SLC45A4: variants seen among roughly 807,000 people sequenced by gnomAD.
SLC45A4 encodes solute carrier family 45 member 4.
In SLC45A4, 32 loss-of-function variants were observed where a neutral mutation model predicts 63.7. The ratio of observed to expected loss-of-function variants is 0.50; its 90% CI spans 0.38 to 0.67. The LOEUF (loss-of-function observed/expected upper bound fraction) is 0.67. Ranked by LOEUF, SLC45A4 falls within the 30% of genes least tolerant of loss-of-function variation. The pLI is 0.00. For synonymous variants in SLC45A4, 535 were observed against 510.0 expected (o/e 1.05, Z -0.66); for missense variants, 1,027 against 1,157.7 (o/e 0.89, Z 1.64).
Position 141,277,884 on chromosome 8 carries a change from C to T in SLC45A4, c.-400-23255G>A, listed in dbSNP as rs141835389. On this transcript the variant is annotated intron_variant, in intron 1 of 8. Transcript: ENST00000517878. ...CTCTCGATCTCCTGACCTCGTGATC[C>T]GCCTGCTTCAGCCTCACAAAGTGAA... Among the ~76,000 whole-genome samples the T allele has an allele frequency of 1.3e-4, 20 of 152,158 alleles. No homozygotes were observed. In the East Asian group the frequency reaches 2.3e-3, roughly 18 times the overall value.
chr8:141,266,865 T>A (rs116483616), intron 1 of SLC45A4, among the ~76,000 whole-genome samples: 1 of 152,222 alleles, frequency 6.6e-6, no homozygotes, highest in African/African-American at 2.4e-5. Context: ...TTGAAGTGCC[T>A]TATTCCCACA....
intron 1 of SLC45A4, among the ~76,000 whole-genome samples, chr8:141,282,923 C>T (rs539592543): frequency 4.6e-5 from 7 of 152,334 alleles, no homozygotes; most frequent in South Asian, 2.1e-4. Flanking sequence ...ACGATGTCAG[C>T]GCGGCCTCGT....
rs1302157499 is a variant in SLC45A4 at position 141,218,000 on chromosome 8, C to T, written c.1629+11G>A. The T allele has an allele frequency of 2.5e-6, 4 of 1,579,590 alleles. No homozygotes were observed. The highest frequency in any genetic ancestry group is 1.4e-5 in the African/African-American group (1 of 73,824). ...GAGAGAGCGGCCCCGCTCCGGTGGC[C>T]GAGCACTCACCTTGGGGTCGCCTTC... On this transcript the variant is annotated intron_variant, in intron 5 of 8. Transcript: ENST00000517878.
At chr8:141,219,580 C>T (rs1826451281) in intron 4 of SLC45A4, 70 bp downstream of exon 4, 3 of 1,516,420 alleles carry the variant, frequency 2.0e-6, no homozygotes, top group Non-Finnish European at 1.8e-6. Flanking sequence ...ACACAGGCTC[C>T]TGTCCCCTCC....
intron 1 of SLC45A4, 103 bp downstream of exon 1, chr8:141,307,993 G>A (rs1589874373): frequency 2.0e-5 from 3 of 151,494 alleles, no homozygotes; most frequent in Admixed American, 2.0e-4. Flanking sequence ...TGGAGGCCGA[G>A]GCTGTGCGGG....
chr8:141,277,910 A>T (rs1438395517), intron 1 of SLC45A4, among the ~76,000 whole-genome samples: 1 of 152,076 alleles, frequency 6.6e-6, no homozygotes, highest in Non-Finnish European at 1.5e-5. Flanking sequence ...ACAAAGTGAA[A>T]AAAACAATTT....
intron 2 of SLC45A4, chr8:141,228,644 T>A: frequency 1.9e-6 from 2 of 1,053,276 alleles, no homozygotes; most frequent in Non-Finnish European, 2.3e-6. Context: ...GATGACACAG[T>A]GATGTTATCG....
At position 141,218,978 on chromosome 8, in the gene SLC45A4, G is replaced by T. The variant is rs1826401358; in HGVS notation, c.662C>A (p.Thr221Asn). The T allele has an allele frequency of 1.2e-6, 2 of 1,613,422 alleles. No homozygotes were observed. Among genetic ancestry groups the T allele is most frequent in the Non-Finnish European group, 1.7e-6 (2 of 1,179,908 alleles). Reference protein sequence around the residue: ...YVLGGLDWTQTFLGSWFRTQN... With the variant: ...YVLGGLDWTQNFLGSWFRTQN... Reference sequence around the variant, plus strand: ...GGTCCGGAACCAGCTGCCCAGGAAGGTCTGGGTCCAGTCCAGCCCACCCAG... The same window carrying T: ...GGTCCGGAACCAGCTGCCCAGGAAGTTCTGGGTCCAGTCCAGCCCACCCAG... Residue 221 changes from threonine (T) to asparagine (N), a missense_variant, in exon 5 of 9, where the codon ACC becomes AAC. Coordinates refer to ENST00000517878, the MANE Select transcript of SLC45A4 (RefSeq NM_001286646.2).
chr8:141,221,526 C>A lies in SLC45A4; in HGVS notation c.430+51G>T, dbSNP rs1485873405. On this transcript the variant is annotated intron_variant, in intron 3 of 8. Transcript: ENST00000517878. ...TTTTAATGAGAGGAGCTACCCAGGG[C>A]CAGGACCCCGTCTGTGTTGTGAGGA... 1.1e-5 allele frequency: 17 copies of A among 1,569,312 alleles called. 1 individual carries two copies. Among genetic ancestry groups the A allele is most frequent in the Middle Eastern group, 2.3e-4 (1 of 4,296 alleles).
At chr8:141,276,875 A>G (rs1169564962) in intron 1 of SLC45A4, among the ~76,000 whole-genome samples, 1 of 151,988 alleles carries the variant, frequency 6.6e-6, no homozygotes, top group Admixed American at 6.6e-5. Context: ...CAAACACCTC[A>G]CGCGGGCTCC....
intron 2 of SLC45A4, among the ~76,000 whole-genome samples, chr8:141,238,250 C>A (rs1327162082): frequency 6.6e-6 from 1 of 152,264 alleles, no homozygotes; most frequent in Non-Finnish European, 1.5e-5. Context: ...AGTCTCCAGT[C>A]AGCAGGGAAT....
At chr8:141,293,945 A>AT (rs935424153) in intron 1 of SLC45A4, among the ~76,000 whole-genome samples, 5 of 139,426 alleles carry the variant, frequency 3.6e-5, no homozygotes, top group African/African-American at 1.2e-4. Flanking sequence ...GAAAAAAAAA[A>AT]AGTAAATGTA....
At position 141,212,362 on chromosome 8, in the gene SLC45A4, G is replaced by GA; in HGVS notation, c.2135dup (p.Leu713ProfsTer61). On this transcript the variant is annotated frameshift_variant, in exon 8 of 9. Transcript: ENST00000517878. LOFTEE classifies it high-confidence loss of function. ...CTGACACGTTGGGATAGATCACCAG[G>GA]AATGTGGCCGTCAGGAAGCCCAGGA... 6.2e-7 allele frequency: 1 copy of GA among 1,613,668 alleles called. No individual in the cohort carries two copies. Among genetic ancestry groups the GA allele is most frequent in the Non-Finnish European group, 8.5e-7 (1 of 1,180,022 alleles).
intron 1 of SLC45A4, among the ~76,000 whole-genome samples, chr8:141,272,763 C>T (rs1431524790): frequency 1.3e-5 from 2 of 152,258 alleles, no homozygotes; most frequent in East Asian, 1.9e-4. Flanking sequence ...CTGCCTGGAG[C>T]CGAGTTCCAA....
At chr8:141,250,399 T>C (rs1828406641) in intron 2 of SLC45A4, among the ~76,000 whole-genome samples, 1 of 135,092 alleles carries the variant, frequency 7.4e-6, no homozygotes, top group African/African-American at 2.8e-5. Context: ...CTGGTGTGAG[T>C]GGTTTTTTTT....
At chr8:141,246,549 C>T (rs572151484) in intron 2 of SLC45A4, among the ~76,000 whole-genome samples, 2 of 152,390 alleles carry the variant, frequency 1.3e-5, no homozygotes, top group East Asian at 1.9e-4. Flanking sequence ...CACACGTTTG[C>T]GTCAGGCGAC....
At position 141,282,583 on chromosome 8, in the gene SLC45A4, G is replaced by A. The variant is rs139173757; in HGVS notation, c.-401+25513C>T. ...GCTCACACCACCCCGTGCACAGCTC[G>A]TGGATGCGGTCCTCCCTTTTCCATG... On this transcript the variant is annotated intron_variant, in intron 1 of 8. Transcript: ENST00000517878. Among the ~76,000 whole-genome samples the A allele has an allele frequency of 5.2e-3, 785 of 152,374 alleles. 5 individuals carry two copies. The highest frequency in any genetic ancestry group is 0.017 in the African/African-American group (726 of 41,602).
intron 1 of SLC45A4, among the ~76,000 whole-genome samples, chr8:141,259,461 G>GT (rs1391499882): frequency 6.6e-6 from 1 of 152,172 alleles, no homozygotes; most frequent in African/African-American, 2.4e-5. Flanking sequence ...GCACCCTTCC[G>GT]TCTCTCCCCT....
chr8:141,290,846 T>C (rs1830320515), intron 1 of SLC45A4, among the ~76,000 whole-genome samples: 1 of 152,116 alleles, frequency 6.6e-6, no homozygotes, highest in Non-Finnish European at 1.5e-5. Context: ...AACACCTAAA[T>C]TGTTTTGTTT....
Sources: allele counts gnomAD v4.1 joint callset (sites outside exome capture counted in the v4.1 genomes callset), GRCh38; gene constraint gnomAD v4.1.1; transcripts MANE v1.5; gene names NCBI Gene and HGNC (gene_info 2026-07-23, HGNC 2026-07-21).